The following EPHA6 variants were observed in gnomAD, a reference collection of about 807,000 sequenced individuals.
The protein encoded by EPHA6 is EPH receptor A6, also known as ephrin type-A receptor 6.
Under a neutral mutation model 112.0 loss-of-function variants are expected in EPHA6, and 50 were observed. The ratio of observed to expected loss-of-function variants is 0.45; its 90% CI spans 0.36 to 0.56. EPHA6 has a LOEUF of 0.56. Ranked by LOEUF, EPHA6 falls within the 20% of genes least tolerant of loss-of-function variation. EPHA6 has a pLI of 0.00. For missense variants in EPHA6, 1,280 were observed against 1,417.4 expected (o/e 0.90, Z 1.56); for synonymous variants, 529 against 490.7 (o/e 1.08, Z -1.03).
chr3:97,205,448 T>A (rs1404960200), intron 3 of EPHA6, among the ~76,000 whole-genome samples: 1 of 152,096 alleles, frequency 6.6e-6, no homozygotes, highest in African/African-American at 2.4e-5. Flanking sequence ...TCATTTACTA[T>A]GTACAGATTA....
chr3:97,267,633 G>A (rs1055687136), intron 5 of EPHA6, among the ~76,000 whole-genome samples: 3 of 151,954 alleles, frequency 2.0e-5, no homozygotes, highest in Admixed American at 6.6e-5. Flanking sequence ...TTTAGCCTGG[G>A]AAGTTTTGTT....
rs2094125032 is a variant in EPHA6 at position 97,654,338 on chromosome 3, A to G, written c.2784+16256A>G. On this transcript the variant is annotated intron_variant, in intron 14 of 17. Transcript: ENST00000389672. ...TCATGCTATTGGATAAGTAATTACA[A>G]TCTGAGATTCTGTACAACAAATCTG... Among the ~76,000 whole-genome samples the G allele has an allele frequency of 2.0e-5, 3 of 152,062 alleles. No individual in the cohort carries two copies. In the South Asian group the frequency reaches 6.2e-4, roughly 32 times the overall value.
chr3:97,001,033 C>CATAT (rs2043642162), intron 3 of EPHA6, among the ~76,000 whole-genome samples: 1 of 92,506 alleles, frequency 1.1e-5, no homozygotes, highest in African/African-American at 6.4e-5. Flanking sequence ...TATATATATG[C>CATAT]ATGTGTGTTC....
intron 11 of EPHA6, among the ~76,000 whole-genome samples, chr3:97,570,876 G>A (rs916746837): frequency 6.6e-6 from 1 of 152,156 alleles, no homozygotes; most frequent in Non-Finnish European, 1.5e-5. Flanking sequence ...ATAAGCTAGA[G>A]GTTAAATTCA....
At chr3:97,026,611 C>G (rs566266423) in intron 3 of EPHA6, among the ~76,000 whole-genome samples, 3 of 151,432 alleles carry the variant, frequency 2.0e-5, no homozygotes, top group Non-Finnish European at 4.4e-5. Flanking sequence ...GAAGACAACC[C>G]CATAAAAAAT....
intron 6 of EPHA6, among the ~76,000 whole-genome samples, chr3:97,410,413 TAA>T (rs1199509880): frequency 1.3e-5 from 2 of 152,078 alleles, no homozygotes; most frequent in Non-Finnish European, 2.9e-5. Context: ...TTCCTTTACT[TAA>T]GTGTTTGCCC....
chr3:97,517,495 A>G (rs2092466055), intron 10 of EPHA6, among the ~76,000 whole-genome samples: 1 of 152,034 alleles, frequency 6.6e-6, no homozygotes. Flanking sequence ...AATTTTATAT[A>G]TTAATGGGAT....
rs181101696 is a variant in EPHA6 at position 97,183,828 on chromosome 3, C to T, written c.1115-42436C>T. On this transcript the variant is annotated intron_variant, in intron 3 of 17. Coordinates refer to ENST00000389672, the MANE Select transcript of EPHA6 (RefSeq NM_001080448.3). Reference sequence around the variant, plus strand: ...TTCCTTTTTCATTAAATTAACCAATCGATGTCTAAGGCAATCAGTGGATTC... The same window carrying T: ...TTCCTTTTTCATTAAATTAACCAATTGATGTCTAAGGCAATCAGTGGATTC... Among the ~76,000 whole-genome samples, 580 of 152,124 alleles carry T rather than the reference C, an allele frequency of 3.8e-3. 6 individuals are homozygous for T. Among genetic ancestry groups the T allele is most frequent in the African/African-American group, 0.013 (545 of 41,520 alleles).
At chr3:97,643,894 A>G (rs940279540) in intron 14 of EPHA6, among the ~76,000 whole-genome samples, 2 of 151,016 alleles carry the variant, frequency 1.3e-5, no homozygotes, top group Non-Finnish European at 3.0e-5. Context: ...CAGAAAGTCA[A>G]CAAGGATACC....
intron 16 of EPHA6, among the ~76,000 whole-genome samples, chr3:97,740,568 T>A (rs964843271): frequency 2.0e-5 from 3 of 152,148 alleles, no homozygotes; most frequent in Non-Finnish European, 4.4e-5. Flanking sequence ...TACATATTAG[T>A]CTATCTTGTA....
intron 5 of EPHA6, among the ~76,000 whole-genome samples, chr3:97,337,526 A>T (rs1264183300): frequency 6.6e-6 from 1 of 152,184 alleles, no homozygotes; most frequent in East Asian, 1.9e-4. Flanking sequence ...GGATTTATCC[A>T]GGAGATATTT....
At chr3:97,305,934 G>C (rs2081300678) in intron 5 of EPHA6, among the ~76,000 whole-genome samples, 1 of 151,614 alleles carries the variant, frequency 6.6e-6, no homozygotes, top group South Asian at 2.1e-4. Flanking sequence ...GAAATAAAGG[G>C]AAAATATTTT....
At chr3:97,679,048 C>A (rs1266542271) in intron 14 of EPHA6, among the ~76,000 whole-genome samples, 1 of 151,966 alleles carries the variant, frequency 6.6e-6, no homozygotes, top group Admixed American at 6.6e-5. Context: ...TTTTTATGTT[C>A]CTGGTTTTGT....
intron 14 of EPHA6, among the ~76,000 whole-genome samples, chr3:97,707,269 T>C (rs547341530): frequency 3.9e-5 from 6 of 152,316 alleles, no homozygotes; most frequent in South Asian, 4.1e-4. Context: ...CATAGCACCA[T>C]ACTAAATACT....
At chr3:97,346,569 C>T (rs547893269) in intron 5 of EPHA6, among the ~76,000 whole-genome samples, 3 of 152,178 alleles carry the variant, frequency 2.0e-5, no homozygotes, top group Non-Finnish European at 2.9e-5. Flanking sequence ...ATCACATCCC[C>T]ATTCCACTGA....
At chr3:97,560,733 G>A (rs1162233213) in intron 11 of EPHA6, 3 of 152,010 alleles carry the variant, frequency 2.0e-5, no homozygotes, top group African/African-American at 7.2e-5. Context: ...TAGCATCTAA[G>A]AGAAAGACAA....
chr3:97,621,853 T>C (rs1212820550), intron 13 of EPHA6, among the ~76,000 whole-genome samples: 3 of 151,870 alleles, frequency 2.0e-5, no homozygotes, highest in Non-Finnish European at 2.9e-5. Context: ...AAGAGCACTT[T>C]CAATGGCTTG....
At chr3:96,979,177 T>TAGGTGGGGTGGGGGGA in intron 2 of EPHA6, among the ~76,000 whole-genome samples, 1 of 152,056 alleles carries the variant, frequency 6.6e-6, no homozygotes, top group Non-Finnish European at 1.5e-5. Context: ...TCATTTACAT[T>TAGGTGGGGTGGGGGGA]GGGTATATCT....
At chr3:97,548,215 G>A (rs768490570) in intron 11 of EPHA6, among the ~76,000 whole-genome samples, 10 of 152,018 alleles carry the variant, frequency 6.6e-5, no homozygotes, top group Non-Finnish European at 1.0e-4. Context: ...CTCCTCCTGG[G>A]TGTGTCTTGT....
Sources: gnomAD v4.1 joint callset for allele counts (sites outside exome capture counted in the v4.1 genomes callset) on GRCh38, gnomAD v4.1.1 for gene constraint, MANE v1.5 for transcripts, NCBI Gene and HGNC (gene_info 2026-07-23, HGNC 2026-07-21) for gene names.